ANO3: variants seen among roughly 807,000 people sequenced by gnomAD.
ANO3 encodes anoctamin-3.
ANO3 carries 99 observed loss-of-function variants against 144.8 expected under a neutral mutation model. The ratio of observed to expected loss-of-function variants is 0.68; its 90% CI spans 0.58 to 0.81. ANO3 has a LOEUF of 0.81. Ranked by LOEUF, ANO3 falls within the 30% of genes least tolerant of loss-of-function variation. The pLI is 0.00. For synonymous variants in ANO3, 414 were observed against 392.6 expected (o/e 1.05, Z -0.64); for missense variants, 905 against 1,202.2 (o/e 0.75, Z 3.66).
intron 12 of ANO3, 123 bp downstream of exon 12, chr11:26,547,673 A>G: frequency 9.9e-7 from 1 of 1,006,552 alleles, no homozygotes; most frequent in Non-Finnish European, 1.4e-6. Context: ...TTTATTTGCT[A>G]TTTCTGTTTT....
chr11:26,267,070 T>A (rs1232602139), intron 1 of ANO3, among the ~76,000 whole-genome samples: 2 of 146,456 alleles, frequency 1.4e-5, no homozygotes, highest in Non-Finnish European at 3.0e-5. Context: ...CTAGCCTGGG[T>A]GACAAAGCAA....
At chr11:26,195,901 A>T (rs1165947883) in intron 1 of ANO3, among the ~76,000 whole-genome samples, 1 of 152,158 alleles carries the variant, frequency 6.6e-6, no homozygotes, top group African/African-American at 2.4e-5. Flanking sequence ...CTGTGGAATT[A>T]AAAAAATGTG....
At chr11:26,382,809 G>C (rs1005387698) in intron 1 of ANO3, among the ~76,000 whole-genome samples, 1 of 152,166 alleles carries the variant, frequency 6.6e-6, no homozygotes, top group African/African-American at 2.4e-5. Context: ...GCCTTCTGTA[G>C]TTGTGAAAAC....
intron 1 of ANO3, among the ~76,000 whole-genome samples, chr11:26,247,200 C>T (rs536342217): frequency 6.6e-6 from 1 of 152,088 alleles, no homozygotes; most frequent in Non-Finnish European, 1.5e-5. Flanking sequence ...TTATTGAGTG[C>T]TGTGTAGTTT....
chr11:26,425,444 AC>A (rs1857891449), intron 1 of ANO3, among the ~76,000 whole-genome samples: 1 of 152,050 alleles, frequency 6.6e-6, no homozygotes, highest in Non-Finnish European at 1.5e-5. Context: ...ATTTCAGTTT[AC>A]TCATAAAGTG....
chr11:26,298,416 A>C (rs1854142498), intron 1 of ANO3, among the ~76,000 whole-genome samples: 2 of 152,136 alleles, frequency 1.3e-5, no homozygotes, highest in Non-Finnish European at 2.9e-5. Context: ...TCCACAACAG[A>C]AGTCCCTACA....
chr11:26,424,290 T>G (rs1257706534), intron 1 of ANO3, among the ~76,000 whole-genome samples: 1 of 142,824 alleles, frequency 7.0e-6, no homozygotes, highest in Non-Finnish European at 1.5e-5. Flanking sequence ...CATTTCTATA[T>G]GTCAGTTTTT....
intron 1 of ANO3, among the ~76,000 whole-genome samples, chr11:26,311,725 T>C (rs1260685875): frequency 6.6e-6 from 1 of 152,212 alleles, no homozygotes; most frequent in Non-Finnish European, 1.5e-5. Context: ...TTATCTCCTG[T>C]ACTCTGATAT....
intron 24 of ANO3, among the ~76,000 whole-genome samples, chr11:26,653,685 GTC>G (rs1209749326): frequency 6.6e-5 from 10 of 151,574 alleles, no homozygotes; most frequent in African/African-American, 2.4e-4. Flanking sequence ...ACGTGCCAAG[GTC>G]TCTGCTTTTT....
At chr11:26,567,116 G>C in intron 14 of ANO3, 1 of 1,451,032 alleles carries the variant, frequency 6.9e-7, no homozygotes, top group Non-Finnish European at 9.1e-7. Context: ...AGAAACTGAA[G>C]CTCACAATGG....
chr11:26,340,862 A>G (rs1855338618), intron 1 of ANO3, among the ~76,000 whole-genome samples: 1 of 152,056 alleles, frequency 6.6e-6, no homozygotes, highest in South Asian at 2.1e-4. Context: ...TGTTTATTCT[A>G]TGCTCTTTAA....
rs7942670 is a variant in ANO3, at chr11:26,633,905, C to A, written c.1874-299C>A. Among the ~76,000 whole-genome samples, 52,378 of 151,146 alleles carry A rather than the reference C, an allele frequency of 0.35. 9,600 individuals carry two copies. Among genetic ancestry groups the A allele is most frequent in the South Asian group, 0.48 (2,271 of 4,778 alleles). ...ACCGTGGCGAACATGGTGAAACCCC[C>A]ACTTCTACTAAAAATACAAAAAATT... On this transcript the variant is annotated intron_variant, in intron 18 of 26. Coordinates refer to ENST00000256737, the MANE Select transcript of ANO3 (RefSeq NM_031418.4).
At chr11:26,527,880 C>T (rs1251902109) in intron 7 of ANO3, among the ~76,000 whole-genome samples, 1 of 150,096 alleles carries the variant, frequency 6.7e-6, no homozygotes, top group Non-Finnish European at 1.5e-5. Context: ...AAAAAAGACT[C>T]CCTTATCATC....
intron 1 of ANO3, among the ~76,000 whole-genome samples, chr11:26,215,453 ATTTTTT>A (rs950324082): frequency 6.6e-6 from 1 of 151,186 alleles, no homozygotes; most frequent in South Asian, 2.1e-4. Flanking sequence ...CATTGTGAAG[ATTTTTT>A]TTTCCCCCTA....
At position 26,534,472 on chromosome 11, in the gene ANO3, A is replaced by G; in HGVS notation, c.886A>G (p.Lys296Glu). ...TCTTAACAGCTTCATAATAAATAATAAAGACACCTTCTTCAGCAATGCTAC... is the reference window on the plus strand; with the variant it reads ...TCTTAACAGCTTCATAATAAATAATGAAGACACCTTCTTCAGCAATGCTAC... ...ARIHHFIINN[K>E]DTFFSNATRS... is the part of the protein sequence containing the mutation. Residue 296 changes from lysine to glutamate, a missense_variant, in exon 9 of 27, where the codon AAA becomes GAA. By Grantham distance (56) the Lys-to-Glu change is moderately conservative (BLOSUM62 1). This residue lies in a region of ANO3 where 597 missense variants were observed against 865.1 expected (regional missense o/e 0.69). Transcript: ENST00000256737. The G allele has an allele frequency of 6.8e-6, 11 of 1,611,102 alleles. No individual in the cohort carries two copies. The highest frequency in any genetic ancestry group is 9.3e-6 in the Non-Finnish European group (11 of 1,177,666).
At chr11:26,410,179 G>C (rs1022043131) in intron 1 of ANO3, among the ~76,000 whole-genome samples, 3 of 151,920 alleles carry the variant, frequency 2.0e-5, no homozygotes, top group African/African-American at 7.2e-5. Flanking sequence ...TGCCTACTAG[G>C]TTCCAAGTAT....
At chr11:26,277,345 AC>A (rs1853580518) in intron 1 of ANO3, among the ~76,000 whole-genome samples, 1 of 152,062 alleles carries the variant, frequency 6.6e-6, no homozygotes, top group Non-Finnish European at 1.5e-5. Context: ...CTACATTGAA[AC>A]TTTAGCATAG....
chr11:26,505,639 A>G (rs1279550987), intron 4 of ANO3, among the ~76,000 whole-genome samples: 2 of 152,154 alleles, frequency 1.3e-5, no homozygotes, highest in African/African-American at 2.4e-5. Context: ...AAGTTGTACC[A>G]AGTAGGTGAG....
At chr11:26,390,556 C>G (rs1007958099) in intron 1 of ANO3, among the ~76,000 whole-genome samples, 6 of 152,086 alleles carry the variant, frequency 3.9e-5, no homozygotes, top group Non-Finnish European at 8.8e-5. Context: ...ACTAGAGCAT[C>G]AGAGTACCAT....
Sources: gnomAD v4.1 joint callset for allele counts (sites outside exome capture counted in the v4.1 genomes callset) on GRCh38, gnomAD v4.1.1 for gene constraint, gnomAD v4.1.1 regional missense constraint, MANE v1.5 for transcripts, NCBI Gene and HGNC (gene_info 2026-07-23, HGNC 2026-07-21) for gene names.